Variants in JAKMIP2 observed in about 807,000 individuals in gnomAD.
JAKMIP2 encodes janus kinase and microtubule-interacting protein 2.
A neutral mutation model predicts 115.0 loss-of-function variants in JAKMIP2; 25 were observed. The observed-to-expected ratio is 0.22, with a 90% CI of 0.16 to 0.30. The LOEUF is 0.30. JAKMIP2 is among the 10% of genes least tolerant of loss of function. JAKMIP2 has a pLI of 1.00. For synonymous variants in JAKMIP2, 334 were observed against 343.6 expected, an observed-to-expected ratio of 0.97 and a Z score of 0.31; for missense variants, 642 against 957.6, an observed-to-expected ratio of 0.67 and a Z score of 4.35.
rs952552199 is a variant in JAKMIP2 at position 147,589,109 on chromosome 5, C to T, written c.*2598G>A. 2 of 152,154 alleles carry T rather than the reference C, an allele frequency of 1.3e-5. No homozygotes were observed. The highest frequency in any genetic ancestry group is 1.3e-4 in the Admixed American group (2 of 15,278). 9.4% of individuals were successfully genotyped at this position (152,154 alleles called of 1,614,324 possible). ...TCTTTCACATTTCTTGCCTAATGAG[C>T]ATATGGCTCATATTTAATCTGGAAC... On this transcript the variant is annotated 3_prime_UTR_variant, in exon 22 of 22. Transcript: ENST00000616793.
chr5:147,697,883 G>A (rs1561544839), intron 1 of JAKMIP2, among the ~76,000 whole-genome samples: 1 of 152,226 alleles, frequency 6.6e-6, no homozygotes, highest in Non-Finnish European at 1.5e-5. Context: ...ATGTGGGGTT[G>A]GAGACTTGAC....
intron 12 of JAKMIP2, among the ~76,000 whole-genome samples, chr5:147,634,833 C>T (rs1757534874): frequency 6.6e-6 from 1 of 152,162 alleles, no homozygotes; most frequent in Non-Finnish European, 1.5e-5. Context: ...TCTTTTTCCT[C>T]CTTCTCATGC....
intron 1 of JAKMIP2, among the ~76,000 whole-genome samples, chr5:147,772,864 T>C (rs1293977956): frequency 1.3e-5 from 2 of 152,062 alleles, no homozygotes; most frequent in Non-Finnish European, 2.9e-5. Context: ...GAAAAATGCC[T>C]ACTTCACCAG....
intron 1 of JAKMIP2, among the ~76,000 whole-genome samples, chr5:147,715,675 C>A (rs988268699): frequency 6.6e-6 from 1 of 151,664 alleles, no homozygotes; most frequent in Non-Finnish European, 1.5e-5. Context: ...GAAAAATTGA[C>A]CAAATTTTAA....
intron 1 of JAKMIP2, among the ~76,000 whole-genome samples, chr5:147,678,027 C>T (rs965050259): frequency 2.0e-5 from 3 of 152,202 alleles, no homozygotes; most frequent in African/African-American, 4.8e-5. Flanking sequence ...TTGTTTGAGA[C>T]GGAGTCTTGC....
intron 18 of JAKMIP2, among the ~76,000 whole-genome samples, chr5:147,620,092 GT>G (rs1756776735): frequency 6.6e-6 from 1 of 151,848 alleles, no homozygotes; most frequent in South Asian, 2.1e-4. Flanking sequence ...ATATTTAATT[GT>G]TTTTGTTTTA....
Position 147,660,975 on chromosome 5 carries a change from C to G in JAKMIP2, c.600G>C (p.Trp200Cys), listed in dbSNP as rs1477824046. The change falls in exon 3 of 22, where the codon TGG becomes TGC. Residue 200 changes from tryptophan to cysteine, a missense_variant. By Grantham distance (215) the Trp-to-Cys change is radical (BLOSUM62 -2). Coordinates refer to ENST00000616793, the MANE Select transcript of JAKMIP2 (RefSeq NM_001270941.2). ...GCCTCCGAATATCCCGCTCCGACTC[C>G]CACTTGATCTTCGAGATGGCTTCTT... The part of the protein sequence containing the change: ...SHQEAISKIK[W>C]ESERDIRRLM... The G allele has an allele frequency of 3.7e-6, 6 of 1,613,952 alleles. No homozygotes were observed. The highest frequency in any genetic ancestry group is 5.1e-6 in the Non-Finnish European group (6 of 1,180,012).
chr5:147,645,048 C>T, intron 5 of JAKMIP2, 52 bp from the exon 6 acceptor site: 1 of 1,585,500 alleles, frequency 6.3e-7, no homozygotes, highest in Non-Finnish European at 8.6e-7. Context: ...GACGTGGGGG[C>T]AGGGGAGTAA....
intron 2 of JAKMIP2, among the ~76,000 whole-genome samples, chr5:147,669,134 A>G (rs911099231): frequency 2.0e-5 from 3 of 152,170 alleles, no homozygotes; most frequent in African/African-American, 7.2e-5. Context: ...CATTGTTCAT[A>G]TTCTCTCTCT....
intron 8 of JAKMIP2, among the ~76,000 whole-genome samples, chr5:147,641,098 G>A (rs908125728): frequency 1.3e-5 from 2 of 152,054 alleles, no homozygotes; most frequent in Non-Finnish European, 1.5e-5. Flanking sequence ...ATATCATGAT[G>A]AGCTAGTGTG....
chr5:147,600,104 T>TTC, intron 21 of JAKMIP2, among the ~76,000 whole-genome samples: 1 of 148,780 alleles, frequency 6.7e-6, no homozygotes, highest in African/African-American at 2.5e-5. Context: ...TTTTTTTTTT[T>TTC]TTTTTTTGGT....
intron 2 of JAKMIP2, among the ~76,000 whole-genome samples, chr5:147,662,509 A>T (rs565234579): frequency 6.6e-6 from 1 of 152,182 alleles, no homozygotes; most frequent in East Asian, 1.9e-4. Context: ...TGAGTCTCTG[A>T]TTCAGTAGAT....
At chr5:147,617,852 A>G (rs920646411) in intron 19 of JAKMIP2, 59 bp downstream of exon 19, 1 of 1,335,962 alleles carries the variant, frequency 7.5e-7, no homozygotes, top group Non-Finnish European at 1.1e-6. Context: ...CCGTGTACCT[A>G]GTACTAAGTT....
intron 1 of JAKMIP2, among the ~76,000 whole-genome samples, chr5:147,706,992 T>A (rs950777737): frequency 1.3e-5 from 2 of 152,194 alleles, no homozygotes; most frequent in Non-Finnish European, 2.9e-5. Flanking sequence ...TGTATTTACC[T>A]GTGTGTTATA....
rs1043048505 is a variant in JAKMIP2, at chr5:147,590,901, G to T, written c.*806C>A. ...TGTGAGAGTAGGACAAGGAAGCATCGAATCTGCTTTTATTTCACATGTCAC... is the reference window on the plus strand; with the variant it reads ...TGTGAGAGTAGGACAAGGAAGCATCTAATCTGCTTTTATTTCACATGTCAC... On this transcript the variant is annotated 3_prime_UTR_variant, in exon 22 of 22. Transcript: ENST00000616793. 1 of 152,190 alleles carries T rather than the reference G, an allele frequency of 6.6e-6. No individual in the cohort carries two copies. Among genetic ancestry groups the T allele is most frequent in the Non-Finnish European group, 1.5e-5 (1 of 68,044 alleles). 9.4% of individuals were successfully genotyped at this position (152,190 alleles called of 1,614,324 possible). A position where few individuals can be genotyped will look rare whatever the true frequency, so the allele number is the denominator to read the frequency against.
intron 1 of JAKMIP2, among the ~76,000 whole-genome samples, chr5:147,780,498 G>C (rs80184304): frequency 0.013 from 2,013 of 152,276 alleles, 21 homozygotes; most frequent in Non-Finnish European, 0.022. Context: ...TGGAAGTCAA[G>C]TGTTATCACT....
At position 147,680,233 on chromosome 5, in the gene JAKMIP2, G is replaced by A. The variant is rs148105215; in HGVS notation, c.-148-8279C>T. 3.6e-3 allele frequency among the ~76,000 whole-genome samples: 551 copies of A among 152,264 alleles called. 3 individuals carry two copies. The highest frequency in any genetic ancestry group is 0.012 in the African/African-American group (512 of 41,536). ...CATCATCTTAAATTTAGAGGGAATA[G>A]GAAACTGATTTATCACCTATTTGTG... is the stretch of plus-strand genomic sequence containing the variant. On this transcript the variant is annotated intron_variant, in intron 1 of 21. Coordinates refer to ENST00000616793, the MANE Select transcript of JAKMIP2 (RefSeq NM_001270941.2).
chr5:147,666,545 G>A (rs926531156), intron 2 of JAKMIP2, among the ~76,000 whole-genome samples: 3 of 152,184 alleles, frequency 2.0e-5, no homozygotes, highest in African/African-American at 7.2e-5. Flanking sequence ...AACCTCCCGG[G>A]CGGCTCTATG....
rs1221190646 is a variant in JAKMIP2 at position 147,585,663 on chromosome 5, TAAAC to T, written c.*6040_*6043del. On this transcript the variant is annotated 3_prime_UTR_variant, in exon 22 of 22. Transcript: ENST00000616793. The stretch of plus-strand genomic sequence containing the variant: ...TCAATTTTTATTTTTCTTTCATTAA[TAAAC>T]AAGCACTGAAGTGATATATGGAGTC... 6.6e-6 allele frequency: 1 copy of T among 152,132 alleles called. No individual in the cohort carries two copies. The highest frequency in any genetic ancestry group is 1.5e-5 in the Non-Finnish European group (1 of 68,024). 9.4% of individuals were successfully genotyped at this position (152,132 alleles called of 1,614,324 possible). A position where few individuals can be genotyped will look rare whatever the true frequency, so the allele number is the denominator to read the frequency against.
Sources: gnomAD v4.1 joint callset for allele counts (sites outside exome capture counted in the v4.1 genomes callset) on GRCh38, gnomAD v4.1.1 for gene constraint, MANE v1.5 for transcripts, NCBI Gene and HGNC (gene_info 2026-07-23, HGNC 2026-07-21) for gene names.